DLC1: variants seen among roughly 807,000 people sequenced by gnomAD.
DLC1 encodes the protein DLC1 Rho GTPase activating protein.
Under a neutral mutation model 140.3 loss-of-function variants are expected in DLC1, and 54 were observed. That is an observed-to-expected ratio of 0.38 (90% CI 0.31 to 0.48). DLC1 has a LOEUF of 0.48. DLC1 is among the 20% of genes least tolerant of loss of function. The pLI, the probability that DLC1 is intolerant of heterozygous loss-of-function variation, is 0.96. For missense variants in DLC1, 2,536 were observed against 1,907.0 expected (o/e 1.33, Z -6.14); for synonymous variants, 986 against 728.1 (o/e 1.35, Z -5.70).
intron 2 of DLC1, among the ~76,000 whole-genome samples, chr8:13,432,175 A>C (rs913441939): frequency 2.0e-5 from 3 of 152,220 alleles, no homozygotes; most frequent in African/African-American, 4.8e-5. Flanking sequence ...TTTCACACAA[A>C]GTATCATCAT....
chr8:13,175,621 A>C (rs142774988), intron 5 of DLC1, among the ~76,000 whole-genome samples: 104 of 152,204 alleles, frequency 6.8e-4, no homozygotes, highest in African/African-American at 2.4e-3. Flanking sequence ...CAATCACTCA[A>C]CTTCTCTCAA....
intron 5 of DLC1, among the ~76,000 whole-genome samples, chr8:13,144,206 G>A (rs899038768): frequency 2.6e-5 from 4 of 152,186 alleles, no homozygotes; most frequent in Admixed American, 2.0e-4. Flanking sequence ...AAGCAAATTT[G>A]TTCTCTTCTG....
chr8:13,552,111 G>GTATATATATATATATATA (rs3066465), intron 1 of DLC1, among the ~76,000 whole-genome samples: 86 of 54,494 alleles, frequency 1.6e-3, no homozygotes, highest in South Asian at 4.1e-3. Flanking sequence ...GTCTAGAGGT[G>GTATATATATATATATATA]TATATATATA....
At chr8:13,474,932 G>A (rs1288043294) in intron 2 of DLC1, among the ~76,000 whole-genome samples, 1 of 152,138 alleles carries the variant, frequency 6.6e-6, no homozygotes, top group Non-Finnish European at 1.5e-5. Flanking sequence ...ATGAGACTTA[G>A]GACTGTGGAC....
At chr8:13,415,867 A>G (rs1425378039) in intron 2 of DLC1, among the ~76,000 whole-genome samples, 1 of 152,178 alleles carries the variant, frequency 6.6e-6, no homozygotes, top group Admixed American at 6.5e-5. Flanking sequence ...ATTTCTGAAA[A>G]GTAGCATTAT....
Position 13,115,463 on chromosome 8 carries a change from A to AT in DLC1, c.1420+122dup, listed in dbSNP as rs55809507. 393,098 of 937,272 alleles carry AT rather than the reference A, an allele frequency of 0.42. 84,205 individuals carry two copies. The highest frequency in any genetic ancestry group is 0.49 in the Middle Eastern group (1,938 of 3,982). 58.1% of individuals were successfully genotyped at this position (937,272 alleles called of 1,614,324 possible). A position where few individuals can be genotyped will look rare whatever the true frequency, so the allele number is the denominator to read the frequency against. ...GGTGGGGGTCTTGCATGCTTACAACATTTTTTTTAAAAATAAAACATTTAA... is the reference window on the plus strand; with the variant it reads ...GGTGGGGGTCTTGCATGCTTACAACATTTTTTTTTAAAAATAAAACATTTAA... On this transcript the variant is annotated intron_variant, in intron 6 of 17. Transcript: ENST00000276297.
At chr8:13,533,369 T>G (rs778973484) in intron 1 of DLC1, among the ~76,000 whole-genome samples, 3 of 152,180 alleles carry the variant, frequency 2.0e-5, no homozygotes, top group Non-Finnish European at 4.4e-5. Context: ...ATTAAGATAT[T>G]TTGAAGCCCC....
At chr8:13,319,615 C>T (rs1833005954) in intron 4 of DLC1, among the ~76,000 whole-genome samples, 1 of 152,030 alleles carries the variant, frequency 6.6e-6, no homozygotes. Flanking sequence ...CGCCTGTTTC[C>T]CCTTTGCCTT....
At chr8:13,559,562 A>G (rs1395942944) in intron 1 of DLC1, among the ~76,000 whole-genome samples, 1 of 152,104 alleles carries the variant, frequency 6.6e-6, no homozygotes, top group Non-Finnish European at 1.5e-5. Flanking sequence ...ATTCAACACT[A>G]TGTAATTATA....
At chr8:13,460,413 GTTCA>G (rs985278431) in intron 2 of DLC1, among the ~76,000 whole-genome samples, 6 of 152,178 alleles carry the variant, frequency 3.9e-5, no homozygotes, top group South Asian at 2.1e-4. Flanking sequence ...TGTTCTGGGC[GTTCA>G]TTCATTCAGT....
At chr8:13,414,506 T>C (rs1418756971) in intron 2 of DLC1, among the ~76,000 whole-genome samples, 2 of 152,194 alleles carry the variant, frequency 1.3e-5, no homozygotes, top group Non-Finnish European at 2.9e-5. Flanking sequence ...TTTCTTCTCA[T>C]AGATTGCACA....
chr8:13,178,141 A>T (rs913776790), intron 5 of DLC1, among the ~76,000 whole-genome samples: 2 of 152,222 alleles, frequency 1.3e-5, no homozygotes, highest in South Asian at 2.1e-4. Context: ...AATTCAATGA[A>T]TTGCAGATCT....
chr8:13,533,311 A>C (rs1470645776), intron 1 of DLC1, among the ~76,000 whole-genome samples: 2 of 152,164 alleles, frequency 1.3e-5, no homozygotes, highest in African/African-American at 4.8e-5. Flanking sequence ...ACAATACTCC[A>C]AAAATGGAAA....
intron 5 of DLC1, among the ~76,000 whole-genome samples, chr8:13,186,548 T>G (rs1436560062): frequency 6.6e-6 from 1 of 152,162 alleles, no homozygotes; most frequent in African/African-American, 2.4e-5. Context: ...TAGCCATTCG[T>G]CTAATCTTTT....
chr8:13,594,156 G>A (rs992608367), intron 1 of DLC1, among the ~76,000 whole-genome samples: 1 of 151,990 alleles, frequency 6.6e-6, no homozygotes, highest in Non-Finnish European at 1.5e-5. Flanking sequence ...GCGAGACCTG[G>A]TCTCAAAAGA....
At chr8:13,110,334 G>A (rs1345352596) in intron 7 of DLC1, among the ~76,000 whole-genome samples, 2 of 152,172 alleles carry the variant, frequency 1.3e-5, no homozygotes, top group Non-Finnish European at 2.9e-5. Context: ...AGGGGAAACT[G>A]AAGAGGTTGA....
intron 5 of DLC1, among the ~76,000 whole-genome samples, chr8:13,262,455 T>C (rs186117806): frequency 6.6e-6 from 1 of 152,098 alleles, no homozygotes. Context: ...CAATGATACA[T>C]GGACAACTTA....
chr8:13,425,192 G>C (rs576662695), intron 2 of DLC1, among the ~76,000 whole-genome samples: 275 of 152,120 alleles, frequency 1.8e-3, no homozygotes, highest in Non-Finnish European at 3.4e-3. Flanking sequence ...TCAAGCGGCT[G>C]TTTCCCACAA....
intron 5 of DLC1, among the ~76,000 whole-genome samples, chr8:13,174,596 T>A (rs1166818691): frequency 6.6e-6 from 1 of 152,198 alleles, no homozygotes; most frequent in East Asian, 1.9e-4. Flanking sequence ...GTGGTTTTGA[T>A]TTGCATTTCT....
Sources: allele counts gnomAD v4.1 joint callset (sites outside exome capture counted in the v4.1 genomes callset), GRCh38; gene constraint gnomAD v4.1.1; transcripts MANE v1.5; gene names NCBI Gene and HGNC (gene_info 2026-07-23, HGNC 2026-07-21).